LPP: variants seen among roughly 807,000 people sequenced by gnomAD.
LPP encodes the protein lipoma-preferred partner.
Under a neutral mutation model 60.4 loss-of-function variants are expected in LPP, and 38 were observed. That is an observed-to-expected ratio of 0.63 (90% CI 0.49 to 0.83). The LOEUF is 0.83. Ranked by LOEUF, LPP falls within the 40% of genes least tolerant of loss-of-function variation. LPP has a pLI of 0.00. For missense variants in LPP, 902 were observed against 783.6 expected (o/e 1.15, Z -1.80); for synonymous variants, 328 against 290.8 (o/e 1.13, Z -1.30).
At chr3:188,614,053 A>T (rs1244096199) in intron 7 of LPP, among the ~76,000 whole-genome samples, 1 of 151,514 alleles carries the variant, frequency 6.6e-6, no homozygotes, top group African/African-American at 2.4e-5. Flanking sequence ...TCAGCCTACC[A>T]AGTAGCTGGG....
chr3:188,497,499 AT>A (rs1810590053), intron 5 of LPP, among the ~76,000 whole-genome samples: 1 of 152,142 alleles, frequency 6.6e-6, no homozygotes, highest in Non-Finnish European at 1.5e-5. Context: ...TAAATTGTGT[AT>A]TTGATGGTAT....
At chr3:188,455,105 A>G (rs1343922665) in intron 4 of LPP, among the ~76,000 whole-genome samples, 1 of 152,160 alleles carries the variant, frequency 6.6e-6, no homozygotes, top group Non-Finnish European at 1.5e-5. Context: ...TCTAGGGCCA[A>G]TTAGAGTGGG....
At chr3:188,458,368 T>C (rs963556289) in intron 4 of LPP, among the ~76,000 whole-genome samples, 1 of 152,234 alleles carries the variant, frequency 6.6e-6, no homozygotes, top group Non-Finnish European at 1.5e-5. Context: ...TACATGAGCA[T>C]AGTGCATTTT....
intron 4 of LPP, among the ~76,000 whole-genome samples, chr3:188,483,496 A>T (rs1805406955): frequency 6.6e-6 from 1 of 152,224 alleles, no homozygotes; most frequent in Non-Finnish European, 1.5e-5. Flanking sequence ...ACACATCAAA[A>T]ACATTATTTT....
intron 3 of LPP, among the ~76,000 whole-genome samples, chr3:188,355,666 C>T (rs1212118082): frequency 6.6e-6 from 1 of 152,046 alleles, no homozygotes; most frequent in Admixed American, 6.6e-5. Flanking sequence ...TGTTCCTTGT[C>T]ACAATATTTA....
intron 1 of LPP, among the ~76,000 whole-genome samples, chr3:188,211,498 C>T (rs1366883293): frequency 6.6e-6 from 1 of 152,052 alleles, no homozygotes; most frequent in Non-Finnish European, 1.5e-5. Context: ...TCCTATATCC[C>T]GACACACCAT....
intron 7 of LPP, among the ~76,000 whole-genome samples, chr3:188,685,434 G>C (rs1343320176): frequency 2.6e-5 from 4 of 152,148 alleles, no homozygotes; most frequent in African/African-American, 4.8e-5. Context: ...GTCTGGAATA[G>C]GGTGTACACG....
chr3:188,641,257 AG>A (rs551976008), intron 7 of LPP, among the ~76,000 whole-genome samples: 372 of 152,336 alleles, frequency 2.4e-3, no homozygotes, highest in Non-Finnish European at 4.1e-3. Flanking sequence ...TTATCTCCAA[AG>A]TACAGTGTGT....
chr3:188,785,547 TACAC>T (rs1177987893), intron 9 of LPP, among the ~76,000 whole-genome samples: 6 of 43,832 alleles, frequency 1.4e-4, no homozygotes, highest in Admixed American at 3.1e-4. Context: ...TATATATATA[TACAC>T]ACACACACAC....
chr3:188,617,406 C>A (rs1323057270), intron 7 of LPP, among the ~76,000 whole-genome samples: 1 of 152,112 alleles, frequency 6.6e-6, no homozygotes, highest in African/African-American at 2.4e-5. Context: ...AAGTAAGTGA[C>A]CTTTAAAAGG....
rs180778635 is a variant in LPP at position 188,295,079 on chromosome 3, G to A, written c.-66-46584G>A. 7.2e-4 allele frequency among the ~76,000 whole-genome samples: 109 copies of A among 152,348 alleles called. 1 individual carries two copies. Among genetic ancestry groups the A allele is most frequent in the African/African-American group, 2.5e-3 (106 of 41,578 alleles). On this transcript the variant is annotated intron_variant, in intron 2 of 11. Coordinates refer to ENST00000617246, the MANE Select transcript of LPP (RefSeq NM_001375462.1). The stretch of plus-strand genomic sequence containing the variant: ...CAACAGAATTAAAAGAGCAGCCGGT[G>A]GACGTGTGTAGAGGCTGAAGGAGAG...
At chr3:188,305,627 A>G (rs540092907) in intron 2 of LPP, among the ~76,000 whole-genome samples, 1 of 152,252 alleles carries the variant, frequency 6.6e-6, no homozygotes, top group African/African-American at 2.4e-5. Context: ...ACGCAAAGTG[A>G]TTTGTTTTCT....
At chr3:188,205,127 T>C (rs1350906422) in intron 1 of LPP, among the ~76,000 whole-genome samples, 1 of 152,200 alleles carries the variant, frequency 6.6e-6, no homozygotes, top group Non-Finnish European at 1.5e-5. Context: ...TTCTGTCAAC[T>C]AGTTTATTAG....
Position 188,592,546 on chromosome 3 carries a change from G to T in LPP, c.430-16615G>T, listed in dbSNP as rs1049873248. Among the ~76,000 whole-genome samples, 185 of 98,386 alleles carry T rather than the reference G, an allele frequency of 1.9e-3. 2 individuals carry two copies. The highest frequency in any genetic ancestry group is 6.2e-3 in the African/African-American group (182 of 29,136). 64.5% of individuals were successfully genotyped at this position (98,386 alleles called of 152,430 possible). ...TCTACAATGAGTATCACTGTTTTTA[G>T]TTTTGTTTTTGTTTTTTAAATGGAG... On this transcript the variant is annotated intron_variant, in intron 6 of 11. Transcript: ENST00000617246.
chr3:188,438,962 T>G (rs1793066227), intron 4 of LPP, among the ~76,000 whole-genome samples: 1 of 152,236 alleles, frequency 6.6e-6, no homozygotes, highest in African/African-American at 2.4e-5. Context: ...AATCATGTTT[T>G]CAAAACTTTG....
At chr3:188,614,050 A>G (rs11710306) in intron 7 of LPP, among the ~76,000 whole-genome samples, 32,078 of 151,362 alleles carry the variant, frequency 0.21, 3,704 homozygotes, top group South Asian at 0.42. Flanking sequence ...GCCTCAGCCT[A>G]CCAAGTAGCT....
At chr3:188,626,861 A>T (rs942152453) in intron 7 of LPP, among the ~76,000 whole-genome samples, 7 of 152,168 alleles carry the variant, frequency 4.6e-5, no homozygotes, top group African/African-American at 7.2e-5. Context: ...ATTTATTTTA[A>T]ATGACAGAGG....
chr3:188,412,037 T>C (rs1785031715), intron 4 of LPP, among the ~76,000 whole-genome samples: 1 of 152,034 alleles, frequency 6.6e-6, no homozygotes, highest in Non-Finnish European at 1.5e-5. Context: ...TTTTTATCCA[T>C]CATTAAAATA....
chr3:188,309,125 A>G (rs1752584934), intron 2 of LPP, among the ~76,000 whole-genome samples: 1 of 148,632 alleles, frequency 6.7e-6, no homozygotes, highest in Non-Finnish European at 1.5e-5. Flanking sequence ...GGTTCAAGCG[A>G]TTCTCCTGCC....
Sources: allele counts gnomAD v4.1 joint callset (sites outside exome capture counted in the v4.1 genomes callset), GRCh38; gene constraint gnomAD v4.1.1; transcripts MANE v1.5; gene names NCBI Gene and HGNC (gene_info 2026-07-23, HGNC 2026-07-21).